DGKK: variants seen among roughly 807,000 people sequenced by gnomAD.
The protein encoded by DGKK is diacylglycerol kinase kappa.
DGKK carries 35 observed loss-of-function variants against 92.2 expected under a neutral mutation model. The ratio of observed to expected loss-of-function variants is 0.38; its 90% CI spans 0.29 to 0.50. The LOEUF (loss-of-function observed/expected upper bound fraction) is 0.50. Among genes scored for constraint, DGKK ranks in the 20% least tolerant of loss-of-function variants. DGKK has a pLI of 0.92. For missense variants in DGKK, 910 were observed against 992.2 expected, an observed-to-expected ratio of 0.92 and a Z score of 1.11; for synonymous variants, 368 against 360.6, an observed-to-expected ratio of 1.02 and a Z score of -0.23.
At chrX:50,459,793 A>G (rs1926699619) in intron 1 of DGKK, among the ~76,000 whole-genome samples, 2 of 111,548 alleles carry the variant, frequency 1.8e-5, no homozygotes, top group Admixed American at 1.9e-4. Context: ...GTTTTACTCA[A>G]GCTCTGCAGG....
rs183093736 is a variant in DGKK, at chrX:50,395,960, T to A, written c.1412-2625A>T. Among the ~76,000 whole-genome samples the A allele has an allele frequency of 2.4e-3, 270 of 111,724 alleles. 1 individual carries two copies. Among genetic ancestry groups the A allele is most frequent in the Middle Eastern group, 9.3e-3 (2 of 216 alleles). ...AGGCATATGCATTTTGACCTAGTAA[T>A]TCCATTTCTTGGAATTTTTCATATA... On this transcript the variant is annotated intron_variant, in intron 8 of 27. Coordinates refer to ENST00000611977, the MANE Select transcript of DGKK (RefSeq NM_001013742.4).
At chrX:50,395,866 C>A (rs1386278264) in intron 8 of DGKK, among the ~76,000 whole-genome samples, 1 of 109,096 alleles carries the variant, frequency 9.2e-6, no homozygotes, top group South Asian at 4.1e-4. Context: ...TCTCATACAC[C>A]AAGAATGGAC....
In DGKK at chrX:50,428,681, T is replaced by C. The variant is rs782026400; in HGVS notation, c.646-4323A>G. 1.1e-4 allele frequency among the ~76,000 whole-genome samples: 12 copies of C among 111,828 alleles called. No individual in the cohort carries two copies. The East Asian group carries it at 3.4e-3, about 32-fold the overall frequency. Reference sequence around the variant, plus strand: ...CGCAGGGTGCATGATAAGAGTTCCTTAAGTTCTAAACAGAGGCTTTGTGTC... The same window carrying C: ...CGCAGGGTGCATGATAAGAGTTCCTCAAGTTCTAAACAGAGGCTTTGTGTC... On this transcript the variant is annotated intron_variant, in intron 1 of 27. Transcript: ENST00000611977.
intron 4 of DGKK, among the ~76,000 whole-genome samples, chrX:50,417,137 T>G: frequency 9.4e-6 from 1 of 106,375 alleles, no homozygotes. Context: ...AAATCAATTT[T>G]CTGTACAACA....
At chrX:50,396,028 C>T (rs782007995) in intron 8 of DGKK, among the ~76,000 whole-genome samples, 21 of 111,726 alleles carry the variant, frequency 1.9e-4, no homozygotes, top group Non-Finnish European at 3.9e-4. Flanking sequence ...TTCACTGTGG[C>T]ATTATTTGCA....
intron 7 of DGKK, among the ~76,000 whole-genome samples, chrX:50,402,376 C>G (rs112169087): frequency 0.05 from 5,635 of 111,792 alleles, 351 homozygotes; most frequent in African/African-American, 0.17. Flanking sequence ...TGTGATTGTG[C>G]CACTGTACTC....
chrX:50,377,790 C>T (rs1557223992), intron 22 of DGKK, among the ~76,000 whole-genome samples: 1 of 111,689 alleles, frequency 9.0e-6, no homozygotes, highest in Non-Finnish European at 1.9e-5. Flanking sequence ...ATAACCTTGT[C>T]GAAAACCAGG....
chrX:50,468,853 T>C (rs1926978551), intron 1 of DGKK, among the ~76,000 whole-genome samples: 1 of 92,940 alleles, frequency 1.1e-5, no homozygotes, highest in Non-Finnish European at 2.2e-5. Context: ...GTTGTGTTAT[T>C]CGTTTGTGTG....
intron 1 of DGKK, among the ~76,000 whole-genome samples, chrX:50,429,614 G>A (rs1342527680): frequency 9.0e-6 from 1 of 111,684 alleles, no homozygotes; most frequent in Non-Finnish European, 1.9e-5. Context: ...GCGTGAACCC[G>A]GGAGGCGGAG....
intron 19 of DGKK, 120 bp from the exon 20 acceptor site, chrX:50,379,854 C>T (rs1924371082): frequency 1.1e-6 from 1 of 892,089 alleles, no homozygotes; most frequent in East Asian, 3.1e-5. Flanking sequence ...TATCTTCATG[C>T]CTTCCTCCCA....
chrX:50,454,301 C>A (rs1181859071), intron 1 of DGKK, among the ~76,000 whole-genome samples: 4 of 111,034 alleles, frequency 3.6e-5, no homozygotes, highest in Non-Finnish European at 5.7e-5. Context: ...TTCCTTCCTT[C>A]AGGCAAATTA....
intron 4 of DGKK, among the ~76,000 whole-genome samples, chrX:50,408,441 C>T (rs1557227491): frequency 8.9e-6 from 1 of 111,776 alleles, no homozygotes; most frequent in South Asian, 3.8e-4. Context: ...TGCAGTGGCG[C>T]GATCTCGGCT....
chrX:50,459,759 C>T (rs1002494526), intron 1 of DGKK, among the ~76,000 whole-genome samples: 1 of 111,085 alleles, frequency 9.0e-6, no homozygotes, highest in East Asian at 2.9e-4. Context: ...CAGTAATATC[C>T]GAATTCTGGG....
intron 1 of DGKK, among the ~76,000 whole-genome samples, chrX:50,450,550 C>A (rs1393830561): frequency 1.8e-5 from 2 of 112,052 alleles, no homozygotes; most frequent in African/African-American, 6.5e-5. Context: ...CTCTTCACAA[C>A]CATTTATAAT....
In DGKK at chrX:50,470,029, C is replaced by G. The variant is rs1557234335; in HGVS notation, c.645+5G>C. ...TTTCCCCGCTTCAGGGGGTCTTTTG[C>G]TTACCTTTATTCTGGACCACGACAT... is the stretch of plus-strand genomic sequence containing the variant. On this transcript the variant is annotated splice_donor_5th_base_variant and intron_variant, in intron 1 of 27. Transcript: ENST00000611977. 1.7e-6 allele frequency: 2 copies of G among 1,186,978 alleles called. No individual in the cohort carries two copies. Among genetic ancestry groups the G allele is most frequent in the Admixed American group, 4.6e-5 (2 of 43,828 alleles).
intron 2 of DGKK, 59 bp downstream of exon 2, chrX:50,424,189 C>T: frequency 9.4e-7 from 1 of 1,065,639 alleles, no homozygotes; most frequent in Non-Finnish European, 1.3e-6. Context: ...TCCATCTTCC[C>T]ACACAAAGGT....
chrX:50,394,790 G>A (rs1924797821), intron 8 of DGKK, among the ~76,000 whole-genome samples: 1 of 111,767 alleles, frequency 8.9e-6, no homozygotes, highest in Non-Finnish European at 1.9e-5. Context: ...AGAAAAATAA[G>A]GTAGGGAAAG....
chrX:50,466,697 G>C (rs1926918579), intron 1 of DGKK, among the ~76,000 whole-genome samples: 1 of 111,774 alleles, frequency 8.9e-6, no homozygotes, highest in Non-Finnish European at 1.9e-5. Flanking sequence ...CAAAATCAAG[G>C]AGGGCTGCAT....
At position 50,366,265 on chromosome X, in the gene DGKK, C is replaced by G. The variant is rs782034542; in HGVS notation, c.*2675G>C. On this transcript the variant is annotated 3_prime_UTR_variant, in exon 28 of 28. Transcript: ENST00000611977. ...GTTTCCAAGTGAGCATATGCAAGAA[C>G]AGGTGCTTGGCAAGCTATCTTCCTT... 8.0e-5 allele frequency: 9 copies of G among 112,190 alleles called. No homozygotes were observed. Among genetic ancestry groups the G allele is most frequent in the Non-Finnish European group, 1.7e-4 (9 of 53,304 alleles). 9.2% of individuals were successfully genotyped at this position (112,190 alleles called of 1,213,427 possible).
Sources: allele counts gnomAD v4.1 joint callset (sites outside exome capture counted in the v4.1 genomes callset), GRCh38; gene constraint gnomAD v4.1.1; transcripts MANE v1.5; gene names NCBI Gene and HGNC (gene_info 2026-07-23, HGNC 2026-07-21).